The following ZP2 variants were observed in gnomAD, a reference collection of about 807,000 sequenced individuals.
ZP2 encodes the protein zona pellucida sperm-binding protein 2.
A neutral mutation model predicts 84.0 loss-of-function variants in ZP2; 51 were observed. The ratio of observed to expected loss-of-function variants is 0.61; its 90% confidence interval spans 0.49 to 0.77. The LOEUF (loss-of-function observed/expected upper bound fraction) is 0.77. Among genes scored for constraint, ZP2 ranks in the 30% least tolerant of loss-of-function variants. ZP2 has a pLI of 0.00. For synonymous variants in ZP2, 375 were observed against 330.9 expected (o/e 1.13, Z -1.45); for missense variants, 909 against 911.9 (o/e 1.00, Z 0.04).
chr16:21,202,022 A>G lies in ZP2; in HGVS notation c.1289T>C (p.Phe430Ser), dbSNP rs2093228121. 1 of 1,613,866 alleles carries G rather than the reference A, an allele frequency of 6.2e-7. No homozygotes were observed. Among genetic ancestry groups the G allele is most frequent in the South Asian group, 1.1e-5 (1 of 91,050 alleles). Residue 430 changes from phenylalanine (F) to serine (S), a missense_variant and splice_region_variant, in exon 12 of 19, where the codon TTC (phenylalanine) becomes TCC (serine). Coordinates refer to ENST00000574091, the MANE Select transcript of ZP2 (RefSeq NM_001376232.1). ...PLNGCGTRYKFEDDKVVYENE... is the reference protein window; with the variant it reads ...PLNGCGTRYKSEDDKVVYENE... ...TTCATAGACGACTTTATCATCTTCG[A>G]ACTTAAATGTCAGAGAAAGTGGGTT...
chr16:21,206,218 A>T (rs1040188575), intron 5 of ZP2, among the ~76,000 whole-genome samples: 2 of 152,138 alleles, frequency 1.3e-5, no homozygotes, highest in Non-Finnish European at 2.9e-5. Flanking sequence ...GCTGGTCTCA[A>T]ACTCCTGACC....
chr16:21,200,448 A>G (rs1318038984), intron 14 of ZP2, among the ~76,000 whole-genome samples: 2 of 152,188 alleles, frequency 1.3e-5, no homozygotes, highest in East Asian at 3.8e-4. Context: ...CAAAAACAAA[A>G]CAGAAGGCTT....
chr16:21,201,203 C>CAA (rs74269334), intron 14 of ZP2, among the ~76,000 whole-genome samples, 166 bp downstream of exon 14: 24 of 112,254 alleles, frequency 2.1e-4, no homozygotes, highest in African/African-American at 4.1e-4. Context: ...CATCTCAAAA[C>CAA]AAAAAAAAAA....
Position 21,198,870 on chromosome 16 carries a change from C to A in ZP2, c.1928-8G>T, listed in dbSNP as rs183121705. On this transcript the variant is annotated splice_polypyrimidine_tract_variant and splice_region_variant and intron_variant, in intron 16 of 18. Coordinates refer to ENST00000574091, the MANE Select transcript of ZP2 (RefSeq NM_001376232.1). ...CTTCAGTGGCCCCTGTGGCTGGAGA[C>A]AGATGATCAAGTTTGTGTTTGGCCT... 2.5e-6 allele frequency: 4 copies of A among 1,613,126 alleles called. No homozygotes were observed. Among genetic ancestry groups the A allele is most frequent in the East Asian group, 2.2e-5 (1 of 44,870 alleles).
chr16:21,211,191 A>T, intron 2 of ZP2, 116 bp downstream of exon 2: 1 of 857,784 alleles, frequency 1.2e-6, no homozygotes, highest in Non-Finnish European at 1.9e-6. Flanking sequence ...GACCAAGGTA[A>T]TAAAGGGGGT....
Position 21,203,064 on chromosome 16 carries a change from C to T in ZP2, c.1099+61G>A, listed in dbSNP as rs183439938. On this transcript the variant is annotated intron_variant, in intron 10 of 18. Coordinates refer to ENST00000574091, the MANE Select transcript of ZP2 (RefSeq NM_001376232.1). ...GAATCTGACCTTCTATACATTTGCC[C>T]ACATGTACAAGAGCCAAGGGAGAAA... 1,634 of 1,577,288 alleles carry T rather than the reference C, an allele frequency of 1.0e-3. 12 individuals carry two copies. Among genetic ancestry groups the T allele is most frequent in the South Asian group, 1.2e-3 (102 of 86,006 alleles).
upstream of ZP2, among the ~76,000 whole-genome samples, chr16:21,212,686 C>T (rs1242729510): frequency 1.3e-5 from 2 of 152,216 alleles, no homozygotes; most frequent in African/African-American, 2.4e-5. Flanking sequence ...CATTCTGATA[C>T]ATATCCTTGG....
intron 5 of ZP2, 48 bp downstream of exon 5, chr16:21,206,790 C>T (rs781439995): frequency 2.5e-6 from 4 of 1,610,052 alleles, no homozygotes; most frequent in Admixed American, 1.7e-5. Flanking sequence ...TCATCATATT[C>T]CCCCTGCAGT....
chr16:21,204,833 A>G (rs1237183965), intron 7 of ZP2, among the ~76,000 whole-genome samples: 1 of 152,188 alleles, frequency 6.6e-6, no homozygotes, highest in Non-Finnish European at 1.5e-5. Context: ...TGTTCAGACT[A>G]TTGGCCTGGA....
At chr16:21,207,037 A>G in intron 4 of ZP2, 47 bp from the exon 5 acceptor site, 2 of 1,607,138 alleles carry the variant, frequency 1.2e-6, no homozygotes, top group Non-Finnish European at 1.7e-6. Context: ...CTGTACCCCC[A>G]TGGGATTCTA....
At chr16:21,200,872 G>T (rs2093221765) in intron 14 of ZP2, among the ~76,000 whole-genome samples, 1 of 152,154 alleles carries the variant, frequency 6.6e-6, no homozygotes, top group Non-Finnish European at 1.5e-5. Context: ...TGGGGCTTTG[G>T]AACTCATTCC....
rs759433452 is a variant in ZP2, at chr16:21,199,593, G to C, written c.1904C>G (p.Pro635Arg). The part of the protein sequence containing the change: ...PDSPLCSVTC[P>R]VSSRHRRATG... ...ACCTCGCCTGTGCCTAGAGGACACA[G>C]GGCAGGTCACAGAACACAGTGGGGA... is the stretch of plus-strand genomic sequence containing the variant. The change falls in exon 16 of 19, where the codon CCT becomes CGT. Residue 635 changes from proline to arginine, a missense_variant. Coordinates refer to ENST00000574091, the MANE Select transcript of ZP2 (RefSeq NM_001376232.1). 1 of 1,612,692 alleles carries C rather than the reference G, an allele frequency of 6.2e-7. No individual in the cohort carries two copies. Among genetic ancestry groups the C allele is most frequent in the East Asian group, 2.2e-5 (1 of 44,872 alleles).
At chr16:21,203,965 C>G (rs769386711) in intron 9 of ZP2, 65 bp downstream of exon 9, 1 of 1,577,644 alleles carries the variant, frequency 6.3e-7, no homozygotes, top group Non-Finnish European at 8.6e-7. Flanking sequence ...CGTATGAGGA[C>G]TACCCACAAG....
rs747741183 is a variant in ZP2 at position 21,205,533 on chromosome 16, C to T, written c.580G>A (p.Ala194Thr). 4.9e-5 allele frequency: 79 copies of T among 1,613,970 alleles called. No individual in the cohort carries two copies. Among genetic ancestry groups the T allele is most frequent in the Non-Finnish European group, 6.2e-5 (73 of 1,180,006 alleles). ...GCCTCTGGCAGGGTCAGAGTTTTGG[C>T]TCTTGCACCATCACCAACCTCAATG... ...WSIEVGDGAR[A>T]KTLTLPEAMK... The change falls in exon 7 of 19, where the codon GCC becomes ACC. Residue 194 changes from alanine to threonine, a missense_variant. Physicochemically the swap from Ala to Thr is moderately conservative, Grantham distance 58. Coordinates refer to ENST00000574091, the MANE Select transcript of ZP2 (RefSeq NM_001376232.1).
intron 3 of ZP2, 150 bp from the exon 4 acceptor site, chr16:21,209,875 T>C: frequency 1.3e-6 from 1 of 746,790 alleles, no homozygotes; most frequent in Middle Eastern, 2.4e-4. Flanking sequence ...AGCTTTGAGA[T>C]GGTATGACTT....
intron 5 of ZP2, 161 bp from the exon 6 acceptor site, chr16:21,205,936 T>C: frequency 4.5e-6 from 3 of 669,406 alleles, no homozygotes; most frequent in Non-Finnish European, 8.0e-6. Flanking sequence ...TCATTATACT[T>C]CTTTGAACTT....
chr16:21,214,305 C>T (rs2093284253), upstream of ZP2: 3 of 985,140 alleles, frequency 3.0e-6, no homozygotes, highest in South Asian at 1.4e-4. Flanking sequence ...GTCTAGGATT[C>T]TGCTCCGGAA....
At chr16:21,198,924 A>G in intron 16 of ZP2, 62 bp from the exon 17 acceptor site, 1 of 1,421,450 alleles carries the variant, frequency 7.0e-7, no homozygotes, top group Non-Finnish European at 9.9e-7. Flanking sequence ...AGGTGTGTCA[A>G]TGGAATGCTT....
chr16:21,205,996 T>C (rs2093247912), intron 5 of ZP2: 1 of 568,490 alleles, frequency 1.8e-6, no homozygotes, highest in South Asian at 2.0e-5. Flanking sequence ...CAGTTGTAAG[T>C]TGGGACACAT....
Sources: gnomAD v4.1 joint callset for allele counts (sites outside exome capture counted in the v4.1 genomes callset) on GRCh38, gnomAD v4.1.1 for gene constraint, MANE v1.5 for transcripts, NCBI Gene and HGNC (gene_info 2026-07-23, HGNC 2026-07-21) for gene names.